TSHZ2: variants seen among roughly 807,000 people sequenced by gnomAD.
The protein encoded by TSHZ2 is teashirt zinc finger homeobox 2, also known as teashirt homolog 2.
TSHZ2 carries 21 observed loss-of-function variants against 74.4 expected under a neutral mutation model. The ratio of observed to expected loss-of-function variants is 0.28; its 90% confidence interval spans 0.20 to 0.41. The LOEUF is 0.41. TSHZ2 is among the 10% of genes least tolerant of loss of function. The pLI, the probability that TSHZ2 is intolerant of heterozygous loss-of-function variation, is 1.00. For missense variants in TSHZ2, 1,244 were observed against 1,293.5 expected, an observed-to-expected ratio of 0.96 and a Z score of 0.59; for synonymous variants, 540 against 515.3, an observed-to-expected ratio of 1.05 and a Z score of -0.65.
At chr20:53,339,774 G>A (rs1980105436) in intron 2 of TSHZ2, among the ~76,000 whole-genome samples, 2 of 152,116 alleles carry the variant, frequency 1.3e-5, no homozygotes, top group South Asian at 2.1e-4. Flanking sequence ...GAAAGCTGGG[G>A]GACTCGCTGC....
chr20:53,083,863 T>A (rs1285400427), intron 1 of TSHZ2, among the ~76,000 whole-genome samples: 1 of 152,168 alleles, frequency 6.6e-6, no homozygotes, highest in African/African-American at 2.4e-5. Flanking sequence ...TTTCTTCCCT[T>A]TCTATGTGAA....
chr20:53,346,439 A>C (rs1473661326), intron 2 of TSHZ2, among the ~76,000 whole-genome samples: 1 of 152,198 alleles, frequency 6.6e-6, no homozygotes, highest in African/African-American at 2.4e-5. Context: ...CTTTCCAGAG[A>C]CGGCTTGTCT....
intron 1 of TSHZ2, among the ~76,000 whole-genome samples, chr20:53,075,778 G>A (rs578143302): frequency 5.1e-4 from 78 of 152,232 alleles, no homozygotes; most frequent in Non-Finnish European, 7.9e-4. Context: ...GAGAGTCCAC[G>A]GCACACTGGG....
intron 1 of TSHZ2, among the ~76,000 whole-genome samples, chr20:53,046,535 A>G (rs545937898): frequency 6.6e-6 from 1 of 152,336 alleles, no homozygotes; most frequent in African/African-American, 2.4e-5. Flanking sequence ...AACAGTTGCT[A>G]GAAGTCTGCG....
intron 1 of TSHZ2, among the ~76,000 whole-genome samples, chr20:53,115,468 C>CT (rs774591574): frequency 3.3e-5 from 5 of 152,204 alleles, no homozygotes; most frequent in Non-Finnish European, 5.9e-5. Context: ...CATGCCTTTG[C>CT]TTCTCCTTTG....
intron 1 of TSHZ2, among the ~76,000 whole-genome samples, chr20:53,077,665 TA>T (rs1985409699): frequency 1.3e-5 from 2 of 152,006 alleles, no homozygotes; most frequent in Non-Finnish European, 2.9e-5. Context: ...ACAGACAGGG[TA>T]GTGGAGGTAT....
intron 1 of TSHZ2, among the ~76,000 whole-genome samples, chr20:53,063,674 T>C (rs1449781836): frequency 1.3e-5 from 2 of 152,236 alleles, no homozygotes; most frequent in Non-Finnish European, 1.5e-5. Flanking sequence ...TGCATGCATA[T>C]GCATATGCAA....
At chr20:53,431,506 C>CA (rs1411114943) in intron 2 of TSHZ2, among the ~76,000 whole-genome samples, 1 of 151,858 alleles carries the variant, frequency 6.6e-6, no homozygotes, top group Non-Finnish European at 1.5e-5. Context: ...ACTTAGCACA[C>CA]CACCTGCCAC....
chr20:52,991,844 C>T (rs1214766792), intron 1 of TSHZ2, among the ~76,000 whole-genome samples: 11 of 151,864 alleles, frequency 7.2e-5, no homozygotes, highest in Non-Finnish European at 4.4e-5. Flanking sequence ...CATGATTTTG[C>T]GTTTGTGGTG....
At chr20:53,004,486 C>T (rs1982565619) in intron 1 of TSHZ2, among the ~76,000 whole-genome samples, 1 of 152,152 alleles carries the variant, frequency 6.6e-6, no homozygotes, top group Admixed American at 6.5e-5. Context: ...CGTTGCCCCG[C>T]CACCTCTTCC....
chr20:53,200,104 G>A (rs756893001), intron 1 of TSHZ2, among the ~76,000 whole-genome samples: 13 of 152,180 alleles, frequency 8.5e-5, no homozygotes, highest in African/African-American at 1.9e-4. Flanking sequence ...ACACCAAGAC[G>A]CTTTGCCAGG....
intron 2 of TSHZ2, among the ~76,000 whole-genome samples, chr20:53,408,288 A>G (rs575638133): frequency 6.6e-6 from 1 of 152,340 alleles, no homozygotes; most frequent in South Asian, 2.1e-4. Context: ...TTCGACACAG[A>G]GTCCAGTACC....
At chr20:53,189,197 A>G (rs1988673561) in intron 1 of TSHZ2, among the ~76,000 whole-genome samples, 3 of 152,248 alleles carry the variant, frequency 2.0e-5, no homozygotes, top group Non-Finnish European at 2.9e-5. Context: ...ATCCTTTTCC[A>G]TGAGCTTTCC....
At chr20:52,991,255 G>C (rs1347878344) in intron 1 of TSHZ2, among the ~76,000 whole-genome samples, 5 of 147,636 alleles carry the variant, frequency 3.4e-5, no homozygotes, top group African/African-American at 1.3e-4. Context: ...TGTGGGGGGA[G>C]AGAGTGTGAA....
At chr20:53,011,901 C>T (rs1982863753) in intron 1 of TSHZ2, among the ~76,000 whole-genome samples, 1 of 152,120 alleles carries the variant, frequency 6.6e-6, no homozygotes, top group Admixed American at 6.6e-5. Context: ...CTGTGCCTGG[C>T]AATGGTCCCT....
At chr20:53,106,993 T>A (rs893206496) in intron 1 of TSHZ2, among the ~76,000 whole-genome samples, 1 of 152,122 alleles carries the variant, frequency 6.6e-6, no homozygotes, top group South Asian at 2.1e-4. Context: ...CCACCGCGCC[T>A]GGCCCTTCTC....
intron 2 of TSHZ2, among the ~76,000 whole-genome samples, chr20:53,402,757 G>C (rs55975062): frequency 6.6e-6 from 1 of 151,994 alleles, no homozygotes; most frequent in South Asian, 2.1e-4. Context: ...CAGAGTCCCC[G>C]GGGCACAAAC....
At position 53,185,553 on chromosome 20, in the gene TSHZ2, G is replaced by A. The variant is rs1988578852; in HGVS notation, c.41-67946G>A. 7 of 1,458,264 alleles carry A rather than the reference G, an allele frequency of 4.8e-6. No homozygotes were observed. In the Admixed American group the frequency reaches 1.2e-4, roughly 26 times the overall value. 90.3% of individuals were successfully genotyped at this position (1,458,264 alleles called of 1,614,324 possible). ...TCCTTGAACTGGGACCCAGGAGGCA[G>A]AGGTTGCAGTGAGCTGAGATCACGC... On this transcript the variant is annotated intron_variant, in intron 1 of 2. Transcript: ENST00000371497.
chr20:53,444,805 T>G (rs973435988), intron 2 of TSHZ2, among the ~76,000 whole-genome samples: 1 of 152,200 alleles, frequency 6.6e-6, no homozygotes, highest in African/African-American at 2.4e-5. Context: ...TCTTCATTCA[T>G]CCCAAGTGGC....
Sources: allele counts gnomAD v4.1 joint callset (sites outside exome capture counted in the v4.1 genomes callset), GRCh38; gene constraint gnomAD v4.1.1; transcripts MANE v1.5; gene names NCBI Gene and HGNC (gene_info 2026-07-23, HGNC 2026-07-21).